The following UNC13B variants were observed in gnomAD, a reference collection of about 807,000 sequenced individuals.
UNC13B encodes the protein unc-13 homolog B.
A neutral mutation model predicts 211.0 loss-of-function variants in UNC13B; 144 were observed. The observed-to-expected ratio is 0.68, with a 90% CI of 0.60 to 0.78. The LOEUF is 0.78. Ranked by LOEUF, UNC13B falls within the 30% of genes least tolerant of loss-of-function variation. The pLI is 0.00. For synonymous variants in UNC13B, 709 were observed against 725.8 expected (o/e 0.98, Z 0.37); for missense variants, 1,777 against 2,002.0 (o/e 0.89, Z 2.14).
chr9:35,353,573 A>C, intron 11 of UNC13B: 1 of 1,232,040 alleles, frequency 8.1e-7, no homozygotes, highest in Non-Finnish European at 1.0e-6. Context: ...TGCTTCTAAT[A>C]ACTCCTTGCC....
chr9:35,329,969 G>A (rs971476791), intron 11 of UNC13B, among the ~76,000 whole-genome samples: 7 of 152,200 alleles, frequency 4.6e-5, no homozygotes, highest in Non-Finnish European at 8.8e-5. Flanking sequence ...TAGACACAGA[G>A]CCCAAGAGCC....
At chr9:35,311,251 G>A (rs1232159063) in intron 10 of UNC13B, among the ~76,000 whole-genome samples, 4 of 152,152 alleles carry the variant, frequency 2.6e-5, no homozygotes, top group Admixed American at 6.5e-5. Flanking sequence ...GGATTACAGC[G>A]GTGTGCCACT....
chr9:35,165,407 T>G (rs1238885312), intron 1 of UNC13B, among the ~76,000 whole-genome samples: 1 of 149,504 alleles, frequency 6.7e-6, no homozygotes, highest in Non-Finnish European at 1.5e-5. Flanking sequence ...GTGATTGACT[T>G]GAATTTTTTT....
intron 1 of UNC13B, among the ~76,000 whole-genome samples, chr9:35,199,528 T>C (rs371132619): frequency 6.2e-4 from 94 of 152,252 alleles, no homozygotes; most frequent in East Asian, 3.5e-3. Context: ...TTTTAATGAT[T>C]GCCATTCTAA....
intron 11 of UNC13B, among the ~76,000 whole-genome samples, chr9:35,347,792 G>C (rs976908795): frequency 2.0e-5 from 3 of 152,186 alleles, no homozygotes; most frequent in Admixed American, 1.3e-4. Context: ...GGGGAACCAG[G>C]CAGCTCTGCC....
At chr9:35,177,212 C>T (rs528930860) in intron 1 of UNC13B, among the ~76,000 whole-genome samples, 2 of 152,266 alleles carry the variant, frequency 1.3e-5, no homozygotes, top group South Asian at 2.1e-4. Context: ...ATCTCTTCAA[C>T]CCAGGGGCGG....
intron 8 of UNC13B, among the ~76,000 whole-genome samples, chr9:35,298,878 AT>A (rs1829532918): frequency 1.3e-5 from 2 of 152,104 alleles, no homozygotes; most frequent in Non-Finnish European, 2.9e-5. Context: ...ATAGGGAAAG[AT>A]TTTCTTTTCA....
intron 22 of UNC13B, chr9:35,385,393 A>G: frequency 4.1e-6 from 4 of 985,364 alleles, no homozygotes; most frequent in Non-Finnish European, 4.8e-6. Context: ...GTGTGTAAGA[A>G]TCTTCATCCA....
At chr9:35,202,575 G>C (rs961394774) in intron 1 of UNC13B, among the ~76,000 whole-genome samples, 1 of 152,096 alleles carries the variant, frequency 6.6e-6, no homozygotes, top group Non-Finnish European at 1.5e-5. Context: ...AGCTCTTCTT[G>C]TTGAATTGAT....
intron 1 of UNC13B, among the ~76,000 whole-genome samples, chr9:35,188,816 A>T (rs1158067607): frequency 6.6e-6 from 1 of 152,232 alleles, no homozygotes; most frequent in East Asian, 1.9e-4. Context: ...CCCTTGCATT[A>T]GTTAATTAAT....
chr9:35,362,579 G>C (rs1833491734), intron 11 of UNC13B, among the ~76,000 whole-genome samples: 1 of 152,130 alleles, frequency 6.6e-6, no homozygotes, highest in Non-Finnish European at 1.5e-5. Flanking sequence ...GGAGGCCGAG[G>C]TGGGCGGATC....
chr9:35,284,749 T>C (rs1191196339), intron 7 of UNC13B, among the ~76,000 whole-genome samples: 4 of 152,184 alleles, frequency 2.6e-5, no homozygotes, highest in Non-Finnish European at 4.4e-5. Context: ...TTCTAGTGTT[T>C]GAGTTTATGG....
chr9:35,377,565 GC>G lies in UNC13B; in HGVS notation c.9935del (p.Pro3312GlnfsTer13). The G allele has an allele frequency of 6.2e-7, 1 of 1,614,248 alleles. No individual in the cohort carries two copies. Among genetic ancestry groups the G allele is most frequent in the Non-Finnish European group, 8.5e-7 (1 of 1,180,044 alleles). On this transcript the variant is annotated frameshift_variant, in exon 16 of 40. Coordinates refer to ENST00000635942, the MANE Select transcript of UNC13B (RefSeq NM_001371189.2). LOFTEE classifies it high-confidence loss of function. ...DRMKIRERNKPEIFEVIRDVF... is the reference protein window; with the variant it reads ...DRMKIRERNKXEIFEVIRDVF... ...GCATGAAGATCCGAGAGCGAAATAAGCCAGAGATCTTTGAAGTTATCCGGGA... is the reference window on the plus strand; with the variant it reads ...GCATGAAGATCCGAGAGCGAAATAAGCAGAGATCTTTGAAGTTATCCGGGA...
chr9:35,389,828 T>C lies in UNC13B; in HGVS notation c.11095-18T>C. 7 of 1,613,968 alleles carry C rather than the reference T, an allele frequency of 4.3e-6. No individual in the cohort carries two copies. Among genetic ancestry groups the C allele is most frequent in the Non-Finnish European group, 5.9e-6 (7 of 1,179,898 alleles). On this transcript the variant is annotated intron_variant, in intron 24 of 39. Coordinates refer to ENST00000635942, the MANE Select transcript of UNC13B (RefSeq NM_001371189.2). ...CTGACTCTTTCTCCCTCTCTCTCAC[T>C]GTGTCCTCTGGATCAAGAAGCAGGA...
chr9:35,230,493 G>T (rs942228054), intron 2 of UNC13B, among the ~76,000 whole-genome samples: 27 of 136,410 alleles, frequency 2.0e-4, no homozygotes, highest in Non-Finnish European at 3.2e-4. Flanking sequence ...AAAAAAAAAA[G>T]ATTTCTTTTT....
rs1219332538 is a variant in UNC13B, at chr9:35,404,084, G to A, written c.*51G>A. Reference sequence around the variant, plus strand: ...GGCAGCAGCAATTTCACAAATCAGGGCCAGTGGGAGTTAGCTGTGTAACCG... The same window carrying A: ...GGCAGCAGCAATTTCACAAATCAGGACCAGTGGGAGTTAGCTGTGTAACCG... On this transcript the variant is annotated 3_prime_UTR_variant, in exon 40 of 40. Coordinates refer to ENST00000635942, the MANE Select transcript of UNC13B (RefSeq NM_001371189.2). 1 of 1,580,956 alleles carries A rather than the reference G, an allele frequency of 6.3e-7. No individual in the cohort carries two copies. Among genetic ancestry groups the A allele is most frequent in the East Asian group, 2.2e-5 (1 of 44,520 alleles).
At chr9:35,351,635 A>G (rs1475714587) in intron 11 of UNC13B, 20 of 1,232,226 alleles carry the variant, frequency 1.6e-5, no homozygotes, top group Non-Finnish European at 2.0e-5. Flanking sequence ...TGGCACCAAG[A>G]GCAAATCCTC....
chr9:35,362,723 C>T (rs1294904485), intron 11 of UNC13B, among the ~76,000 whole-genome samples: 2 of 151,430 alleles, frequency 1.3e-5, no homozygotes, highest in African/African-American at 2.4e-5. Context: ...TGGTGTGAAC[C>T]CAGGAGGTGG....
intron 11 of UNC13B, chr9:35,364,701 C>A: frequency 9.3e-7 from 1 of 1,079,244 alleles, no homozygotes; most frequent in Non-Finnish European, 1.3e-6. Context: ...TGCCTCTGAG[C>A]TTTGGCTCAT....
Sources: allele counts gnomAD v4.1 joint callset (sites outside exome capture counted in the v4.1 genomes callset), GRCh38; gene constraint gnomAD v4.1.1; transcripts MANE v1.5; gene names NCBI Gene and HGNC (gene_info 2026-07-23, HGNC 2026-07-21).